Variants in ANKRD55 observed in about 807,000 individuals in gnomAD.
ANKRD55 encodes the protein ankyrin repeat domain 55.
ANKRD55 carries 41 observed loss-of-function variants against 60.6 expected under a neutral mutation model. That is an observed-to-expected ratio of 0.68 (90% CI 0.53 to 0.88). The LOEUF is 0.88. Among genes scored for constraint, ANKRD55 ranks in the 40% least tolerant of loss-of-function variants. The pLI is 0.00. For missense variants in ANKRD55, 732 were observed against 767.6 expected, an observed-to-expected ratio of 0.95 and a Z score of 0.55; for synonymous variants, 264 against 290.3, an observed-to-expected ratio of 0.91 and a Z score of 0.92.
At chr5:56,217,648 A>G (rs1233791589) in intron 2 of ANKRD55, among the ~76,000 whole-genome samples, 1 of 152,172 alleles carries the variant, frequency 6.6e-6, no homozygotes, top group Non-Finnish European at 1.5e-5. Flanking sequence ...TAATCCCAGC[A>G]CTTTGGGAGG....
chr5:56,174,022 A>C (rs1023157531), intron 4 of ANKRD55, among the ~76,000 whole-genome samples: 10 of 152,176 alleles, frequency 6.6e-5, no homozygotes, highest in African/African-American at 2.4e-4. Context: ...TGCAGTCCCC[A>C]GGACAACTGC....
intron 8 of ANKRD55, among the ~76,000 whole-genome samples, chr5:56,124,118 A>G (rs1454945989): frequency 1.3e-5 from 2 of 152,346 alleles, no homozygotes; most frequent in East Asian, 3.8e-4. Flanking sequence ...CACAGAGAGC[A>G]GGACTTGGTA....
At chr5:56,136,941 A>G (rs1336648112) in intron 7 of ANKRD55, 1 of 464,312 alleles carries the variant, frequency 2.2e-6, no homozygotes, top group Non-Finnish European at 4.0e-6. Context: ...ATTCCAGGAG[A>G]TGCTCTTTCC....
At chr5:56,131,109 T>C (rs1004212216) in intron 7 of ANKRD55, among the ~76,000 whole-genome samples, 12 of 151,808 alleles carry the variant, frequency 7.9e-5, no homozygotes, top group African/African-American at 2.9e-4. Flanking sequence ...AAAAAATTGT[T>C]AGACACAAAA....
At chr5:56,132,773 C>T (rs1394606559) in intron 7 of ANKRD55, among the ~76,000 whole-genome samples, 6 of 151,970 alleles carry the variant, frequency 3.9e-5, no homozygotes, top group Non-Finnish European at 8.8e-5. Context: ...CTATAAGAAA[C>T]CCACTTTAAA....
intron 11 of ANKRD55, 23 bp from the exon 12 acceptor site, chr5:56,100,327 G>C (rs756667508): frequency 1.2e-6 from 2 of 1,613,822 alleles, no homozygotes; most frequent in Non-Finnish European, 1.7e-6. Flanking sequence ...AATAGAACAA[G>C]AGACTTTCAA....
At chr5:56,181,659 C>T (rs1223743014) in intron 3 of ANKRD55, among the ~76,000 whole-genome samples, 6 of 152,128 alleles carry the variant, frequency 3.9e-5, no homozygotes, top group Admixed American at 6.5e-5. Context: ...AGTGCGATCT[C>T]GGCTCACTGC....
At chr5:56,188,612 A>G (rs1054675534) in intron 2 of ANKRD55, among the ~76,000 whole-genome samples, 4 of 152,216 alleles carry the variant, frequency 2.6e-5, no homozygotes, top group Non-Finnish European at 5.9e-5. Context: ...CCTTTGTTAA[A>G]AATGAGTTGA....
chr5:56,226,073 T>G (rs1760103933), intron 2 of ANKRD55, among the ~76,000 whole-genome samples: 1 of 152,228 alleles, frequency 6.6e-6, no homozygotes, highest in African/African-American at 2.4e-5. Context: ...GCTACCTGAC[T>G]TCAATCTATA....
intron 2 of ANKRD55, among the ~76,000 whole-genome samples, chr5:56,225,299 A>G (rs1267580285): frequency 1.3e-5 from 2 of 152,074 alleles, no homozygotes; most frequent in African/African-American, 4.8e-5. Context: ...CATGTTAAAA[A>G]CTCTCGATAA....
chr5:56,224,073 C>T (rs1581032831), intron 2 of ANKRD55, among the ~76,000 whole-genome samples: 1 of 152,132 alleles, frequency 6.6e-6, no homozygotes, highest in South Asian at 2.1e-4. Flanking sequence ...CCAAAATTGA[C>T]CACATAGTTG....
intron 10 of ANKRD55, among the ~76,000 whole-genome samples, chr5:56,103,330 G>T (rs866710344): frequency 6.6e-6 from 1 of 152,132 alleles, no homozygotes; most frequent in African/African-American, 2.4e-5. Flanking sequence ...TATTTACACC[G>T]TGAAAAATCA....
chr5:56,144,844 G>A lies in ANKRD55; in HGVS notation c.484-915C>T, dbSNP rs146122706. 3.3e-3 allele frequency among the ~76,000 whole-genome samples: 496 copies of A among 152,266 alleles called. 11 individuals are homozygous for A. Among genetic ancestry groups the A allele is most frequent in the Non-Finnish European group, 1.2e-3 (84 of 68,032 alleles). On this transcript the variant is annotated intron_variant, in intron 6 of 11. Transcript: ENST00000341048. ...CAAAAAGAGCCAGCGTTATCTGAAC[G>A]TATATATGATGAAAAGATTGGCTCT...
At chr5:56,139,315 T>C (rs1288592014) in intron 7 of ANKRD55, among the ~76,000 whole-genome samples, 1 of 152,158 alleles carries the variant, frequency 6.6e-6, no homozygotes, top group Non-Finnish European at 1.5e-5. Context: ...AGCTCTGTTC[T>C]GGGTGTTGAG....
intron 8 of ANKRD55, among the ~76,000 whole-genome samples, chr5:56,120,235 T>A (rs187492506): frequency 6.6e-6 from 1 of 152,162 alleles, no homozygotes; most frequent in Non-Finnish European, 1.5e-5. Flanking sequence ...CAGGGTTTCA[T>A]CATGTTGGCC....
chr5:56,199,464 T>C (rs562318684), intron 2 of ANKRD55, among the ~76,000 whole-genome samples: 1 of 152,326 alleles, frequency 6.6e-6, no homozygotes, highest in African/African-American at 2.4e-5. Context: ...GACTTGCTTA[T>C]TTTAAGTGAT....
chr5:56,102,373 A>G (rs1329698357), intron 11 of ANKRD55, 121 bp downstream of exon 11: 11 of 614,278 alleles, frequency 1.8e-5, no homozygotes, highest in Non-Finnish European at 2.6e-5. Context: ...CCGGGGCGAC[A>G]GCGCAAGACT....
chr5:56,161,614 GT>G (rs1453838952), intron 5 of ANKRD55, among the ~76,000 whole-genome samples: 3 of 152,166 alleles, frequency 2.0e-5, no homozygotes, highest in African/African-American at 7.2e-5. Context: ...GAAGCCTGTG[GT>G]TTCAATCTTG....
In ANKRD55 at chr5:56,111,117, C is replaced by G. The variant is rs1756678348; in HGVS notation, c.1630+1G>C. 6.2e-7 allele frequency: 1 copy of G among 1,611,094 alleles called. No individual in the cohort carries two copies. The highest frequency in any genetic ancestry group is 1.7e-5 in the Admixed American group (1 of 59,876). On this transcript the variant is annotated splice_donor_variant, in intron 10 of 11. Coordinates refer to ENST00000341048, the MANE Select transcript of ANKRD55 (RefSeq NM_024669.3). LOFTEE classifies it high-confidence loss of function. ...AATGAACATGAAATCAAGGACATTA[C>G]CTGATGATGGATTATGTAGATGGCG...
Sources: allele counts gnomAD v4.1 joint callset (sites outside exome capture counted in the v4.1 genomes callset), GRCh38; gene constraint gnomAD v4.1.1; transcripts MANE v1.5; gene names NCBI Gene and HGNC (gene_info 2026-07-23, HGNC 2026-07-21).